The following CGNL1 variants were observed in gnomAD, a reference collection of about 807,000 sequenced individuals.
The protein encoded by CGNL1 is cingulin like 1.
In CGNL1, 132 loss-of-function variants were observed where a neutral mutation model predicts 141.2. The observed-to-expected ratio is 0.93, with a 90% CI of 0.81 to 1.08. The LOEUF is 1.08. Ranked by LOEUF, CGNL1 falls within the 50% of genes least tolerant of loss-of-function variation. The pLI is 0.00. For synonymous variants in CGNL1, 690 were observed against 622.1 expected (o/e 1.11, Z -1.63); for missense variants, 1,870 against 1,588.6 (o/e 1.18, Z -3.01).
intron 1 of CGNL1, among the ~76,000 whole-genome samples, chr15:57,428,603 G>A (rs2063006522): frequency 6.6e-6 from 1 of 152,060 alleles, no homozygotes. Flanking sequence ...GGTCTGTGCT[G>A]GAATGCCAAG....
intron 8 of CGNL1, among the ~76,000 whole-genome samples, chr15:57,474,208 G>A (rs1161113468): frequency 6.6e-5 from 10 of 152,138 alleles, no homozygotes; most frequent in African/African-American, 2.4e-4. Context: ...ACCGTGCCCA[G>A]CCTTTGAGTC....
chr15:57,425,267 G>A (rs2062959861), intron 1 of CGNL1, among the ~76,000 whole-genome samples: 1 of 152,206 alleles, frequency 6.6e-6, no homozygotes, highest in African/African-American at 2.4e-5. Flanking sequence ...GGGAGCCTGA[G>A]GCAGGAGGAT....
At chr15:57,395,348 A>C (rs2062591030) in intron 1 of CGNL1, among the ~76,000 whole-genome samples, 1 of 152,216 alleles carries the variant, frequency 6.6e-6, no homozygotes, top group Non-Finnish European at 1.5e-5. Context: ...CTTCTGCAAA[A>C]AGCAGCTAAT....
intron 1 of CGNL1, among the ~76,000 whole-genome samples, chr15:57,433,958 A>C (rs774630209): frequency 3.0e-5 from 4 of 131,860 alleles, no homozygotes; most frequent in Non-Finnish European, 5.0e-5. Context: ...GACACTCACC[A>C]ACTAATAGTC....
At position 57,432,630 on chromosome 15, in the gene CGNL1, G is replaced by A. The variant is rs532726523; in HGVS notation, c.-15-5355G>A. 3.3e-5 allele frequency among the ~76,000 whole-genome samples: 5 copies of A among 152,290 alleles called. No individual in the cohort carries two copies. The South Asian group carries it at 6.2e-4, about 19-fold the overall frequency. On this transcript the variant is annotated intron_variant, in intron 1 of 18. Coordinates refer to ENST00000281282, the MANE Select transcript of CGNL1 (RefSeq NM_032866.5). ...AGGCTTAGTCCCCGACGGCGCAAGC[G>A]TGTCTGTGGTGTGCATTAGGATTGT...
At chr15:57,503,939 G>A (rs1427559832) in intron 8 of CGNL1, among the ~76,000 whole-genome samples, 1 of 152,102 alleles carries the variant, frequency 6.6e-6, no homozygotes, top group African/African-American at 2.4e-5. Context: ...GATTTGGTGG[G>A]GACACAGCCA....
At chr15:57,459,844 A>C (rs1595726854) in intron 7 of CGNL1, among the ~76,000 whole-genome samples, 1 of 152,202 alleles carries the variant, frequency 6.6e-6, no homozygotes, top group Non-Finnish European at 1.5e-5. Flanking sequence ...AGGAAGGAGC[A>C]TGATGAATTC....
At chr15:57,379,637 T>C (rs2062404058) in intron 1 of CGNL1, among the ~76,000 whole-genome samples, 1 of 152,164 alleles carries the variant, frequency 6.6e-6, no homozygotes, top group African/African-American at 2.4e-5. Flanking sequence ...CATCTTCTGA[T>C]CTCGGCACTA....
chr15:57,419,176 T>C (rs1664435), intron 1 of CGNL1, among the ~76,000 whole-genome samples: 129,043 of 152,108 alleles, frequency 0.85, 55,052 homozygotes, highest in East Asian at 0.96. Flanking sequence ...GTGATCCACC[T>C]GCCTCGGCCT....
At chr15:57,541,810 T>C (rs533983708) in intron 14 of CGNL1, among the ~76,000 whole-genome samples, 2 of 152,300 alleles carry the variant, frequency 1.3e-5, no homozygotes, top group East Asian at 3.9e-4. Flanking sequence ...AGGCCTCAGT[T>C]TCCTCTGCTG....
intron 1 of CGNL1, 69 bp downstream of exon 1, chr15:57,376,636 C>A (rs1455903590): frequency 2.0e-5 from 3 of 151,956 alleles, no homozygotes; most frequent in South Asian, 2.0e-4. Context: ...TGCTAGGGGC[C>A]GCCCAGGGCG....
At chr15:57,420,401 A>T (rs1178135096) in intron 1 of CGNL1, among the ~76,000 whole-genome samples, 1 of 152,236 alleles carries the variant, frequency 6.6e-6, no homozygotes, top group African/African-American at 2.4e-5. Context: ...GTGAAACATG[A>T]GTTCATACTG....
At chr15:57,459,483 G>A (rs2063419734) in intron 7 of CGNL1, among the ~76,000 whole-genome samples, 2 of 152,194 alleles carry the variant, frequency 1.3e-5, no homozygotes, top group African/African-American at 2.4e-5. Context: ...TCTTGGAGGA[G>A]GTCTTACCGT....
At chr15:57,464,437 C>T (rs112071529) in intron 8 of CGNL1, among the ~76,000 whole-genome samples, 29 of 152,244 alleles carry the variant, frequency 1.9e-4, no homozygotes, top group African/African-American at 6.7e-4. Flanking sequence ...AAGTCAAGAG[C>T]CTGTGCTCTT....
chr15:57,473,757 G>A (rs2063612607), intron 8 of CGNL1, among the ~76,000 whole-genome samples: 1 of 152,088 alleles, frequency 6.6e-6, no homozygotes, highest in African/African-American at 2.4e-5. Context: ...ATGTGAGTGT[G>A]CCATCTTGGA....
chr15:57,395,264 A>C (rs761850578), intron 1 of CGNL1, among the ~76,000 whole-genome samples: 8 of 152,140 alleles, frequency 5.3e-5, no homozygotes, highest in Non-Finnish European at 8.8e-5. Flanking sequence ...TTAGGGAAGA[A>C]AGATGAGTTC....
At chr15:57,523,755 G>C (rs2031428468) in intron 11 of CGNL1, 114 bp downstream of exon 11, 2 of 1,133,080 alleles carry the variant, frequency 1.8e-6, no homozygotes, top group East Asian at 4.8e-5. Context: ...AAGCACAAAA[G>C]TGTCAGGGAT....
intron 4 of CGNL1, 42 bp from the exon 5 acceptor site, chr15:57,451,458 C>A (rs764699958): frequency 2.0e-5 from 27 of 1,382,588 alleles, no homozygotes; most frequent in Non-Finnish European, 2.8e-5. Flanking sequence ...AAATAAAGCA[C>A]CCTGAACATT....
At chr15:57,429,129 G>T (rs1264635516) in intron 1 of CGNL1, among the ~76,000 whole-genome samples, 2 of 152,118 alleles carry the variant, frequency 1.3e-5, no homozygotes, top group Admixed American at 6.5e-5. Flanking sequence ...TTGGTAGCGT[G>T]GTCTAATGGT....
Sources: allele counts gnomAD v4.1 joint callset (sites outside exome capture counted in the v4.1 genomes callset), GRCh38; gene constraint gnomAD v4.1.1; transcripts MANE v1.5; gene names NCBI Gene and HGNC (gene_info 2026-07-23, HGNC 2026-07-21).